Variants in CREB5 observed in about 807,000 individuals in gnomAD.
CREB5 encodes the protein cyclic AMP-responsive element-binding protein 5.
Under a neutral mutation model 57.1 loss-of-function variants are expected in CREB5, and 19 were observed. The ratio of observed to expected loss-of-function variants is 0.33; its 90% CI spans 0.23 to 0.49. CREB5 has a LOEUF of 0.49. CREB5 is among the 20% of genes least tolerant of loss of function. The pLI is 0.99. For missense variants in CREB5, 579 were observed against 671.6 expected, an observed-to-expected ratio of 0.86 and a Z score of 1.52; for synonymous variants, 238 against 238.3, an observed-to-expected ratio of 1.00 and a Z score of 0.01.
chr7:28,511,733 G>C (rs1165414821), intron 4 of CREB5, among the ~76,000 whole-genome samples: 1 of 152,184 alleles, frequency 6.6e-6, no homozygotes, highest in Non-Finnish European at 1.5e-5. Flanking sequence ...TGATCTGCCC[G>C]CCTCAGCCTC....
intron 7 of CREB5, among the ~76,000 whole-genome samples, chr7:28,768,513 T>G (rs1304790874): frequency 6.6e-6 from 1 of 152,138 alleles, no homozygotes; most frequent in Non-Finnish European, 1.5e-5. Context: ...GGAGTTAGAG[T>G]TTCAGGAAAA....
intron 5 of CREB5, among the ~76,000 whole-genome samples, chr7:28,637,381 T>C (rs1373918763): frequency 6.6e-6 from 1 of 152,120 alleles, no homozygotes; most frequent in Non-Finnish European, 1.5e-5. Context: ...GAAGTCAACA[T>C]AAAAGTTTGC....
At chr7:28,319,637 C>G (rs1048321732) in intron 1 of CREB5, among the ~76,000 whole-genome samples, 5 of 152,084 alleles carry the variant, frequency 3.3e-5, no homozygotes, top group African/African-American at 1.2e-4. Context: ...TGCTCACAGC[C>G]CAGCCCACTC....
At chr7:28,799,207 G>C (rs183957595) in intron 7 of CREB5, among the ~76,000 whole-genome samples, 2 of 152,298 alleles carry the variant, frequency 1.3e-5, no homozygotes, top group African/African-American at 4.8e-5. Flanking sequence ...ATATGACACA[G>C]GCTGCTGCTC....
At chr7:28,645,029 C>T (rs907972510) in intron 5 of CREB5, among the ~76,000 whole-genome samples, 30 of 152,126 alleles carry the variant, frequency 2.0e-4, no homozygotes, top group African/African-American at 7.2e-4. Context: ...TCCCCAGTGC[C>T]GTTGTCAAGA....
chr7:28,777,603 A>T (rs1284468397), intron 7 of CREB5, among the ~76,000 whole-genome samples: 2 of 152,212 alleles, frequency 1.3e-5, no homozygotes. Context: ...CACCACTGCA[A>T]AACAATCAGG....
In CREB5 at chr7:28,645,355, G is replaced by A. The variant is rs115943202; in HGVS notation, c.465-73398G>A. Among the ~76,000 whole-genome samples, 78 of 152,280 alleles carry A rather than the reference G, an allele frequency of 5.1e-4. 1 individual carries two copies. Among genetic ancestry groups the A allele is most frequent in the African/African-American group, 1.9e-3 (77 of 41,544 alleles). ...ATAAAACTACAGTTGTTCTGTGGAT[G>A]GTGATTTTACCTCCTTTTTGAAAAA... is the stretch of plus-strand genomic sequence containing the variant. On this transcript the variant is annotated intron_variant, in intron 5 of 10. Transcript: ENST00000357727.
chr7:28,590,003 C>A (rs1353687383), intron 5 of CREB5, among the ~76,000 whole-genome samples: 1 of 152,146 alleles, frequency 6.6e-6, no homozygotes, highest in Non-Finnish European at 1.5e-5. Flanking sequence ...CATCATAAAA[C>A]CCAAACTGAA....
chr7:28,493,628 G>A (rs28393709), intron 2 of CREB5, among the ~76,000 whole-genome samples: 30,395 of 151,988 alleles, frequency 0.2, 3,324 homozygotes, highest in African/African-American at 0.28. Context: ...TTAGATGCTG[G>A]CCCCTGGGTG....
chr7:28,737,565 ATATATATATATATAT>A (rs1562606602), intron 7 of CREB5, among the ~76,000 whole-genome samples: 3 of 110,398 alleles, frequency 2.7e-5, no homozygotes, highest in Non-Finnish European at 4.2e-5. Flanking sequence ...ATATATATAT[ATATATATATATATAT>A]ATATATATTT....
intron 1 of CREB5, among the ~76,000 whole-genome samples, chr7:28,476,585 A>G (rs144971407): frequency 1.2e-3 from 183 of 152,340 alleles, no homozygotes; most frequent in South Asian, 9.6e-3. Context: ...GCTAATGAGC[A>G]AAGGAGATTT....
chr7:28,637,764 C>G (rs920424024), intron 5 of CREB5, among the ~76,000 whole-genome samples: 2 of 152,166 alleles, frequency 1.3e-5, no homozygotes, highest in African/African-American at 2.4e-5. Context: ...TCAACTTCTA[C>G]AAGTCAACCA....
intron 4 of CREB5, among the ~76,000 whole-genome samples, chr7:28,523,092 T>A (rs1793281460): frequency 6.6e-6 from 1 of 152,194 alleles, no homozygotes; most frequent in African/African-American, 2.4e-5. Context: ...AAAAGACCAA[T>A]GTCTGCTTGA....
chr7:28,301,423 A>T (rs763370844), intron 1 of CREB5, among the ~76,000 whole-genome samples: 94 of 152,134 alleles, frequency 6.2e-4, no homozygotes, highest in Non-Finnish European at 1.2e-3. Context: ...GTTATTATAC[A>T]TGCAGAGTCT....
intron 1 of CREB5, among the ~76,000 whole-genome samples, chr7:28,467,860 C>T (rs769186595): frequency 1.3e-5 from 2 of 151,992 alleles, no homozygotes; most frequent in African/African-American, 4.8e-5. Flanking sequence ...TGGGAATGGG[C>T]GTGATAACTC....
chr7:28,652,679 C>T (rs959880566), intron 5 of CREB5, among the ~76,000 whole-genome samples: 4 of 152,194 alleles, frequency 2.6e-5, no homozygotes, highest in African/African-American at 7.2e-5. Flanking sequence ...ATGCCTTGTG[C>T]ACAGATTAGA....
intron 7 of CREB5, among the ~76,000 whole-genome samples, chr7:28,790,879 C>T (rs1306478406): frequency 2.0e-5 from 3 of 152,186 alleles, no homozygotes; most frequent in Non-Finnish European, 4.4e-5. Flanking sequence ...GCTAGACCTG[C>T]CATCACCATT....
At chr7:28,599,620 G>C (rs780629316) in intron 5 of CREB5, among the ~76,000 whole-genome samples, 9 of 152,172 alleles carry the variant, frequency 5.9e-5, no homozygotes, top group Non-Finnish European at 1.3e-4. Flanking sequence ...GTATAATAAA[G>C]ACACGCATAG....
intron 1 of CREB5, among the ~76,000 whole-genome samples, chr7:28,456,017 G>A (rs561672197): frequency 1.3e-5 from 2 of 152,168 alleles, no homozygotes; most frequent in Non-Finnish European, 2.9e-5. Flanking sequence ...ATGAGGCCAG[G>A]CCACAGAGGG....
Sources: allele counts gnomAD v4.1 joint callset (sites outside exome capture counted in the v4.1 genomes callset), GRCh38; gene constraint gnomAD v4.1.1; transcripts MANE v1.5; gene names NCBI Gene and HGNC (gene_info 2026-07-23, HGNC 2026-07-21).